FMO4: variants seen among roughly 807,000 people sequenced by gnomAD.
FMO4 encodes flavin containing dimethylaniline monoxygenase 4.
Under a neutral mutation model 43.3 loss-of-function variants are expected in FMO4, and 38 were observed. The observed-to-expected ratio is 0.88, with a 90% CI of 0.68 to 1.15. The LOEUF (loss-of-function observed/expected upper bound fraction) is 1.15. FMO4 is among the 50% of genes most tolerant of loss of function. The pLI is 0.00. For synonymous variants in FMO4, 224 were observed against 232.2 expected, an observed-to-expected ratio of 0.96 and a Z score of 0.32; for missense variants, 631 against 663.3, an observed-to-expected ratio of 0.95 and a Z score of 0.54.
At chr1:171,320,690 A>C (rs1662380849) in intron 3 of FMO4, among the ~76,000 whole-genome samples, 1 of 152,130 alleles carries the variant, frequency 6.6e-6, no homozygotes, top group Non-Finnish European at 1.5e-5. Flanking sequence ...GTAGTGAAGT[A>C]TAAGGAGGTA....
rs1458239854 is a variant in FMO4 at position 171,334,819 on chromosome 1, A to G, written c.1180+56A>G. The G allele has an allele frequency of 1.0e-5, 10 of 996,574 alleles. No individual in the cohort carries two copies. The East Asian group carries it at 2.4e-4, about 24-fold the overall frequency. 61.7% of individuals were successfully genotyped at this position (996,574 alleles called of 1,614,324 possible). ...TGGATCGTAAAATTGGTGCCCTGCC[A>G]TTTAGCTAAAATCAAACAGATGTGA... is the stretch of plus-strand genomic sequence containing the variant. On this transcript the variant is annotated intron_variant, in intron 8 of 9. Coordinates refer to ENST00000367749, the MANE Select transcript of FMO4 (RefSeq NM_002022.3).
At chr1:171,321,062 G>A (rs1662404352) in intron 3 of FMO4, among the ~76,000 whole-genome samples, 1 of 151,918 alleles carries the variant, frequency 6.6e-6, no homozygotes, top group African/African-American at 2.4e-5. Context: ...AAAAAAAATG[G>A]TATATTGTTA....
intron 4 of FMO4, 72 bp from the exon 5 acceptor site, chr1:171,324,066 G>T: frequency 7.3e-7 from 1 of 1,377,898 alleles, no homozygotes; most frequent in Non-Finnish European, 9.7e-7. Context: ...TAACAGACAT[G>T]GTTACCACAC....
At chr1:171,331,129 A>G (rs968004524) in intron 5 of FMO4, among the ~76,000 whole-genome samples, 5 of 152,360 alleles carry the variant, frequency 3.3e-5, no homozygotes, top group East Asian at 1.9e-4. Context: ...TTCTGATAGA[A>G]TATATCTATT....
chr1:171,341,693 A>G lies in FMO4; in HGVS notation c.1531A>G (p.Met511Val). The change falls in exon 10 of 10, where the codon ATG (methionine) becomes GTG (valine). Residue 511 changes from methionine (M) to valine (V), a missense_variant. Transcript: ENST00000367749. ...CCCTGATTCCTCCAAGCCTGCCTCCATGTCACATTATTTAAAAGCCTGGGG... is the reference window on the plus strand; with the variant it reads ...CCCTGATTCCTCCAAGCCTGCCTCCGTGTCACATTATTTAAAAGCCTGGGG... ...IVPDSSKPAS[M>V]SHYLKAWGAP... 1 of 1,613,852 alleles carries G rather than the reference A, an allele frequency of 6.2e-7. No individual in the cohort carries two copies. Among genetic ancestry groups the G allele is most frequent in the Non-Finnish European group, 8.5e-7 (1 of 1,179,958 alleles).
chr1:171,316,381 T>C (rs545274824), intron 2 of FMO4, 54 bp downstream of exon 2: 9 of 152,306 alleles, frequency 5.9e-5, no homozygotes, highest in African/African-American at 1.7e-4. Context: ...CTGTATGAAC[T>C]GTCTTTTCCA....
At chr1:171,333,777 T>C (rs945070904) in intron 7 of FMO4, among the ~76,000 whole-genome samples, 4 of 152,108 alleles carry the variant, frequency 2.6e-5, no homozygotes, top group African/African-American at 9.7e-5. Flanking sequence ...AAAGAAAATA[T>C]GTTTGATGTG....
At chr1:171,329,017 C>A (rs79141790) in intron 5 of FMO4, among the ~76,000 whole-genome samples, 56 of 152,150 alleles carry the variant, frequency 3.7e-4, no homozygotes, top group Non-Finnish European at 7.1e-4. Context: ...CTCCCTCCAC[C>A]GTCTGGCACC....
chr1:171,323,502 A>G (rs943863763), intron 4 of FMO4, among the ~76,000 whole-genome samples: 4 of 152,110 alleles, frequency 2.6e-5, no homozygotes, highest in Non-Finnish European at 4.4e-5. Flanking sequence ...CACCTTTACT[A>G]AAAATACAAA....
intron 8 of FMO4, among the ~76,000 whole-genome samples, chr1:171,337,131 G>A (rs2101905876): frequency 6.6e-6 from 1 of 152,254 alleles, no homozygotes; most frequent in Non-Finnish European, 1.5e-5. Context: ...GGGCCATAGA[G>A]GCATCTCTCC....
intron 3 of FMO4, among the ~76,000 whole-genome samples, chr1:171,321,048 A>AG (rs1662403341): frequency 6.6e-6 from 1 of 150,496 alleles, no homozygotes; most frequent in Non-Finnish European, 1.5e-5. Context: ...GTATACTAGG[A>AG]GAAAAAAAAA....
chr1:171,318,851 C>T (rs1008577190), intron 2 of FMO4, among the ~76,000 whole-genome samples: 6 of 152,256 alleles, frequency 3.9e-5, no homozygotes, highest in Non-Finnish European at 8.8e-5. Context: ...CCTGAGCCCC[C>T]GCAGAACTTG....
chr1:171,336,481 T>C (rs1663120748), intron 8 of FMO4, among the ~76,000 whole-genome samples: 1 of 152,148 alleles, frequency 6.6e-6, no homozygotes, highest in Non-Finnish European at 1.5e-5. Flanking sequence ...AGATTGGGAA[T>C]GAGCAGGTCC....
At position 171,323,094 on chromosome 1, in the gene FMO4, C is replaced by T. The variant is rs765668600; in HGVS notation, c.223C>T (p.His75Tyr). ...GTCATGTTACAGTGACTTCCCTTTC[C>T]ACGAAGATTATCCTAATTTCATGAA... ...EMSCYSDFPFHEDYPNFMNHE... is the reference protein window; with the variant it reads ...EMSCYSDFPFYEDYPNFMNHE... The change falls in exon 4 of 10, where the codon CAC becomes TAC. Residue 75 changes from histidine (H) to tyrosine (Y), a missense_variant. Transcript: ENST00000367749. 52 of 1,613,004 alleles carry T rather than the reference C, an allele frequency of 3.2e-5. No homozygotes were observed. Among genetic ancestry groups the T allele is most frequent in the African/African-American group, 4.0e-5 (3 of 74,880 alleles).
intron 5 of FMO4, among the ~76,000 whole-genome samples, chr1:171,325,763 T>C (rs1330397328): frequency 1.3e-5 from 2 of 150,298 alleles, no homozygotes; most frequent in Non-Finnish European, 3.0e-5. Context: ...TCTCTTCAAG[T>C]TTGGGATTGT....
chr1:171,336,806 T>C (rs189241496), intron 8 of FMO4, among the ~76,000 whole-genome samples: 16 of 152,194 alleles, frequency 1.1e-4, no homozygotes, highest in African/African-American at 3.6e-4. Flanking sequence ...TCTTGCTATG[T>C]TGCCAGGCTG....
chr1:171,321,676 TA>T (rs1267747331), intron 3 of FMO4, among the ~76,000 whole-genome samples: 4 of 105,538 alleles, frequency 3.8e-5, no homozygotes, highest in South Asian at 3.3e-4. Context: ...CCAGCTGTAC[TA>T]TTTTTTTTTT....
intron 4 of FMO4, among the ~76,000 whole-genome samples, chr1:171,323,483 G>C (rs373499614): frequency 6.6e-6 from 1 of 152,094 alleles, no homozygotes; most frequent in Non-Finnish European, 1.5e-5. Flanking sequence ...GGCCAACATG[G>C]TGAAATTCCA....
chr1:171,318,294 G>T (rs1662273999), intron 2 of FMO4, among the ~76,000 whole-genome samples: 1 of 149,948 alleles, frequency 6.7e-6, no homozygotes, highest in South Asian at 2.1e-4. Flanking sequence ...TCCAGCCTGG[G>T]TGACAGAGCA....
Sources: allele counts gnomAD v4.1 joint callset (sites outside exome capture counted in the v4.1 genomes callset), GRCh38; gene constraint gnomAD v4.1.1; transcripts MANE v1.5; gene names NCBI Gene and HGNC (gene_info 2026-07-23, HGNC 2026-07-21).